Variants in ETS1 observed in about 807,000 individuals in gnomAD.
ETS1 encodes the protein protein C-ets-1.
ETS1 carries 15 observed loss-of-function variants against 58.6 expected under a neutral mutation model. That is an observed-to-expected ratio of 0.26 (90% CI 0.17 to 0.39). The LOEUF (loss-of-function observed/expected upper bound fraction) is 0.39, where lower values mean the gene tolerates loss of function less well. ETS1 is among the 10% of genes least tolerant of loss of function. The pLI is 1.00. For synonymous variants in ETS1, 214 were observed against 218.2 expected, an observed-to-expected ratio of 0.98 and a Z score of 0.17; for missense variants, 417 against 610.5, an observed-to-expected ratio of 0.68 and a Z score of 3.34.
At chr11:128,540,954 C>G (rs1347513639) in intron 3 of ETS1, among the ~76,000 whole-genome samples, 3 of 152,236 alleles carry the variant, frequency 2.0e-5, no homozygotes, top group African/African-American at 7.2e-5. Flanking sequence ...AGTGGCCACT[C>G]TTCCAAACAC....
intron 3 of ETS1, among the ~76,000 whole-genome samples, chr11:128,550,324 G>A (rs1206301332): frequency 1.3e-5 from 2 of 152,236 alleles, no homozygotes; most frequent in Non-Finnish European, 2.9e-5. Context: ...CAAGGCAGCA[G>A]GAGGTGGGAG....
chr11:128,523,456 C>T (rs1863740773), intron 3 of ETS1, among the ~76,000 whole-genome samples: 1 of 152,220 alleles, frequency 6.6e-6, no homozygotes, highest in Non-Finnish European at 1.5e-5. Flanking sequence ...AAAGATTAAA[C>T]ATAAATCTTC....
intron 3 of ETS1, among the ~76,000 whole-genome samples, chr11:128,522,719 C>G (rs1863721580): frequency 6.6e-6 from 1 of 152,240 alleles, no homozygotes. Context: ...CGCTCTCGCC[C>G]CCTCCCAGTA....
intron 3 of ETS1, among the ~76,000 whole-genome samples, chr11:128,515,794 A>T (rs1054107983): frequency 1.3e-5 from 2 of 152,184 alleles, no homozygotes; most frequent in African/African-American, 2.4e-5. Context: ...TAAAAGCACT[A>T]TCTGGGTCAA....
chr11:128,493,818 T>C (rs1467399798), intron 3 of ETS1, among the ~76,000 whole-genome samples: 1 of 152,242 alleles, frequency 6.6e-6, no homozygotes, highest in Non-Finnish European at 1.5e-5. Flanking sequence ...TGCTCAAAAA[T>C]GTATATTAAA....
At chr11:128,545,023 G>A (rs892876194) in intron 3 of ETS1, among the ~76,000 whole-genome samples, 1 of 108,586 alleles carries the variant, frequency 9.2e-6, no homozygotes, top group African/African-American at 2.9e-5. Context: ...GGTTGGGGGT[G>A]GGGGGGGCAG....
chr11:128,526,798 G>T, intron 3 of ETS1: 1 of 377,276 alleles, frequency 2.7e-6, no homozygotes, highest in Non-Finnish European at 5.2e-6. Flanking sequence ...GTGCCTCTTT[G>T]GAGACAAAAC....
At chr11:128,560,296 A>G (rs1383722258) in intron 2 of ETS1, among the ~76,000 whole-genome samples, 2 of 152,160 alleles carry the variant, frequency 1.3e-5, no homozygotes, top group East Asian at 1.9e-4. Context: ...TATTTTTAGT[A>G]GAGTCGGGGT....
chr11:128,527,773 C>G (rs1462847967), intron 3 of ETS1, among the ~76,000 whole-genome samples: 1 of 152,160 alleles, frequency 6.6e-6, no homozygotes, highest in Non-Finnish European at 1.5e-5. Flanking sequence ...AAGGCTAAGG[C>G]CTTCCTCTGA....
intron 5 of ETS1, among the ~76,000 whole-genome samples, chr11:128,489,030 T>C (rs1187060027): frequency 6.6e-6 from 1 of 152,210 alleles, no homozygotes; most frequent in Non-Finnish European, 1.5e-5. Flanking sequence ...GATTAGAATG[T>C]TGCAATCCAA....
chr11:128,548,938 GA>G (rs1448804461), intron 3 of ETS1, among the ~76,000 whole-genome samples: 4 of 151,738 alleles, frequency 2.6e-5, no homozygotes, highest in Non-Finnish European at 4.4e-5. Context: ...TTTACTCTCT[GA>G]AATAAAAAAT....
rs1344750707 is a variant in ETS1 at position 128,584,987 on chromosome 11, A to AAAGAAAGAAAGAAAGGAAAGAAAGG, written c.-15+2500_-15+2501insCCTTTCTTTCCTTTCTTTCTTTCTT. 3.5e-4 allele frequency among the ~76,000 whole-genome samples: 18 copies of AAAGAAAGAAAGAAAGGAAAGAAAGG among 51,222 alleles called. 1 individual carries two copies. Among genetic ancestry groups the AAAGAAAGAAAGAAAGGAAAGAAAGG allele is most frequent in the African/African-American group, 1.8e-3 (17 of 9,544 alleles). The allele number at this position is 51,222 out of a possible 152,430, so 33.6% of individuals were successfully genotyped here. A position where few individuals can be genotyped will look rare whatever the true frequency, so the allele number is the denominator to read the frequency against. On this transcript the variant is annotated intron_variant, in intron 1 of 9. Transcript: ENST00000392668. ...GAAAGAAAGAAAGAAAGAAAGAAAG[A>AAAGAAAGAAAGAAAGGAAAGAAAGG]AAGGAAGGAAGGAAGGAAAGAAAGG... is the stretch of plus-strand genomic sequence containing the variant.
intron 3 of ETS1, among the ~76,000 whole-genome samples, chr11:128,503,083 C>G (rs976824419): frequency 6.6e-6 from 1 of 152,230 alleles, no homozygotes; most frequent in Non-Finnish European, 1.5e-5. Context: ...CAGATTTCCA[C>G]TCATGCCTCA....
At chr11:128,551,660 C>A (rs2135553187) in intron 3 of ETS1, among the ~76,000 whole-genome samples, 1 of 152,306 alleles carries the variant, frequency 6.6e-6, no homozygotes, top group Middle Eastern at 3.4e-3. Context: ...GAGGCTTCCC[C>A]TTTTCCATGT....
At chr11:128,475,556 CTT>C (rs35049593) in intron 8 of ETS1, among the ~76,000 whole-genome samples, 4 of 109,392 alleles carry the variant, frequency 3.7e-5, no homozygotes, top group Non-Finnish European at 5.3e-5. Context: ...ATGCACAGGG[CTT>C]TTTTTTTTTT....
Position 128,460,375 on chromosome 11 carries a change from T to C in ETS1, c.*1986A>G, listed in dbSNP as rs1242052221. 1 of 152,798 alleles carries C rather than the reference T, an allele frequency of 6.5e-6. No homozygotes were observed. Among genetic ancestry groups the C allele is most frequent in the Non-Finnish European group, 1.5e-5 (1 of 68,044 alleles). The allele number at this position is 152,798 out of a possible 1,614,324, so 9.5% of individuals were successfully genotyped here. On this transcript the variant is annotated 3_prime_UTR_variant, in exon 10 of 10. Coordinates refer to ENST00000392668, the MANE Select transcript of ETS1 (RefSeq NM_001143820.2). Reference sequence around the variant, plus strand: ...GGGACACTCATGAATCACAGAGCTATGTTCCTGATAATTCTGGGTCTGCAA... The same window carrying C: ...GGGACACTCATGAATCACAGAGCTACGTTCCTGATAATTCTGGGTCTGCAA...
At chr11:128,486,030 G>T in intron 6 of ETS1, 39 bp downstream of exon 6, 3 of 1,264,684 alleles carry the variant, frequency 2.4e-6, no homozygotes, top group Non-Finnish European at 3.5e-6. Context: ...TTCCTAGTTT[G>T]CTATTATCAT....
At chr11:128,522,322 C>T in intron 3 of ETS1, 1 of 1,049,288 alleles carries the variant, frequency 9.5e-7, no homozygotes. Context: ...CGGCCGCTCT[C>T]CCTCCCTCTC....
intron 3 of ETS1, among the ~76,000 whole-genome samples, chr11:128,509,120 A>C (rs147655532): frequency 6.6e-6 from 1 of 152,330 alleles, no homozygotes; most frequent in East Asian, 1.9e-4. Flanking sequence ...CTGAAATTTC[A>C]AAGTTCTTTC....
Sources: allele counts gnomAD v4.1 joint callset (sites outside exome capture counted in the v4.1 genomes callset), GRCh38; gene constraint gnomAD v4.1.1; transcripts MANE v1.5; gene names NCBI Gene and HGNC (gene_info 2026-07-23, HGNC 2026-07-21).